The following FUT8 variants were observed in gnomAD, a reference collection of about 807,000 sequenced individuals.
The protein encoded by FUT8 is fucosyltransferase 8.
In FUT8, 29 loss-of-function variants were observed where a neutral mutation model predicts 71.3. The ratio of observed to expected loss-of-function variants is 0.41; its 90% CI spans 0.30 to 0.55. FUT8 has a LOEUF of 0.55. FUT8 is among the 20% of genes least tolerant of loss of function. FUT8 has a pLI of 0.34. For synonymous variants in FUT8, 254 were observed against 239.3 expected (o/e 1.06, Z -0.57); for missense variants, 544 against 702.1 (o/e 0.77, Z 2.55).
intron 7 of FUT8, among the ~76,000 whole-genome samples, chr14:65,716,092 G>A (rs950461232): frequency 6.6e-6 from 1 of 152,152 alleles, no homozygotes; most frequent in Non-Finnish European, 1.5e-5. Flanking sequence ...GGAGAAGAAT[G>A]TGTATTCTGC....
intron 6 of FUT8, among the ~76,000 whole-genome samples, chr14:65,668,792 G>C (rs1892336993): frequency 6.6e-6 from 1 of 152,152 alleles, no homozygotes; most frequent in South Asian, 2.1e-4. Flanking sequence ...ATGCCCATCA[G>C]TGGTAGACTG....
At position 65,425,976 on chromosome 14, in the gene FUT8, C is replaced by CA. The variant is rs144903947; in HGVS notation, c.-326+12776dup. On this transcript the variant is annotated intron_variant, in intron 1 of 10. Transcript: ENST00000673929. The stretch of plus-strand genomic sequence containing the variant: ...TGGGTGACAGTGCAAGACTCTGTCT[C>CA]AAAAAAAAAAAAAATCTACTTTCTT... Among the ~76,000 whole-genome samples, 942 of 139,536 alleles carry CA rather than the reference C, an allele frequency of 6.8e-3. 6 individuals carry two copies. The highest frequency in any genetic ancestry group is 0.015 in the African/African-American group (577 of 37,406). 91.5% of individuals were successfully genotyped at this position (139,536 alleles called of 152,430 possible). A position where few individuals can be genotyped will look rare whatever the true frequency, so the allele number is the denominator to read the frequency against.
intron 7 of FUT8, among the ~76,000 whole-genome samples, chr14:65,695,263 C>T (rs936371455): frequency 2.6e-5 from 4 of 152,230 alleles, no homozygotes; most frequent in African/African-American, 7.2e-5. Context: ...GTATTGAAGT[C>T]TCCAAGTATA....
intron 7 of FUT8, among the ~76,000 whole-genome samples, chr14:65,681,576 A>G (rs1420965860): frequency 6.6e-6 from 1 of 152,184 alleles, no homozygotes; most frequent in Non-Finnish European, 1.5e-5. Context: ...ACTTAGTTAA[A>G]AAATATTTTT....
At chr14:65,738,975 T>TATAGGATATATATATATATAGGGA (rs1327959794) in intron 10 of FUT8, among the ~76,000 whole-genome samples, 9 of 152,072 alleles carry the variant, frequency 5.9e-5, no homozygotes, top group African/African-American at 1.2e-4. Flanking sequence ...CCTAAGGGAA[T>TATAGGATATATATATATATAGGGA]ATATACTCAA....
intron 6 of FUT8, among the ~76,000 whole-genome samples, chr14:65,650,298 CAAAAAAAAA>C (rs869168766): frequency 5.0e-5 from 2 of 39,676 alleles, no homozygotes; most frequent in Admixed American, 4.1e-4. Flanking sequence ...GACTCTGTCT[CAAAAAAAAA>C]AAAAAAAAAA....
the FUT8 span, among the ~76,000 whole-genome samples, chr14:65,371,125 C>CT: frequency 6.6e-6 from 1 of 152,084 alleles, no homozygotes; most frequent in Non-Finnish European, 1.5e-5. Flanking sequence ...GGGCAGAGAG[C>CT]TTTTTTCCAT....
intron 5 of FUT8, among the ~76,000 whole-genome samples, chr14:65,625,714 C>T (rs777772968): frequency 7.2e-4 from 109 of 152,218 alleles, no homozygotes; most frequent in Non-Finnish European, 1.3e-3. Context: ...TGTTCCAAAG[C>T]ATCGTTCAAA....
chr14:65,528,052 G>A (rs1883625087), intron 2 of FUT8, among the ~76,000 whole-genome samples: 1 of 152,192 alleles, frequency 6.6e-6, no homozygotes, highest in Non-Finnish European at 1.5e-5. Context: ...TCTGTGCTGG[G>A]AGAACCACTA....
At chr14:65,375,686 A>G in the FUT8 span, among the ~76,000 whole-genome samples, 6 of 152,298 alleles carry the variant, frequency 3.9e-5, no homozygotes, top group South Asian at 1.2e-3. Flanking sequence ...TTACGGATGA[A>G]ATAGGCTCAG....
chr14:65,727,520 C>A (rs1210529020), intron 9 of FUT8, among the ~76,000 whole-genome samples: 1 of 152,148 alleles, frequency 6.6e-6, no homozygotes, highest in Non-Finnish European at 1.5e-5. Flanking sequence ...ATGACGGAAG[C>A]AGCTGGGATG....
At chr14:65,624,242 T>C (rs993833113) in intron 5 of FUT8, among the ~76,000 whole-genome samples, 1 of 151,994 alleles carries the variant, frequency 6.6e-6, no homozygotes, top group Non-Finnish European at 1.5e-5. Context: ...CAGTAACTTA[T>C]ATTGATACCC....
chr14:65,730,895 G>A (rs1196740767), intron 9 of FUT8, among the ~76,000 whole-genome samples: 1 of 152,164 alleles, frequency 6.6e-6, no homozygotes, highest in Non-Finnish European at 1.5e-5. Flanking sequence ...AGAAAAACAA[G>A]TCTTTAAAAG....
chr14:65,721,700 A>G (rs1235651153), intron 7 of FUT8, 75 bp from the exon 8 acceptor site: 5 of 1,439,302 alleles, frequency 3.5e-6, no homozygotes, highest in Non-Finnish European at 4.9e-6. Context: ...GAAAGCACTC[A>G]GAATAAGTTC....
intron 2 of FUT8, among the ~76,000 whole-genome samples, chr14:65,538,286 G>A (rs969311737): frequency 3.9e-5 from 6 of 152,170 alleles, no homozygotes; most frequent in Admixed American, 1.3e-4. Context: ...AGAGTGGGTC[G>A]CTCCTTGCCT....
In FUT8 at chr14:65,564,838, T is replaced by C. The variant is rs1405619051; in HGVS notation, c.203+3072T>C. Among the ~76,000 whole-genome samples the C allele has an allele frequency of 4.6e-5, 7 of 152,198 alleles. No homozygotes were observed. The East Asian group carries it at 1.3e-3, about 29-fold the overall frequency. ...ATGTTTTTGAGTTTCATCAATACTA[T>C]TGTCTGTATTAGTAGTTCATTCTTT... is the stretch of plus-strand genomic sequence containing the variant. On this transcript the variant is annotated intron_variant, in intron 3 of 10. Coordinates refer to ENST00000673929, the MANE Select transcript of FUT8 (RefSeq NM_001371533.1).
At chr14:65,407,406 A>G (rs931376010), upstream of FUT8, among the ~76,000 whole-genome samples, 2 of 152,194 alleles carry the variant, frequency 1.3e-5, no homozygotes, top group African/African-American at 2.4e-5. Context: ...AATACAGATA[A>G]TACTTTTTTT....
chr14:65,404,968 A>T, the FUT8 span, among the ~76,000 whole-genome samples: 1 of 152,262 alleles, frequency 6.6e-6, no homozygotes. Context: ...AGCAGCTTAC[A>T]CAAAATAATT....
At chr14:65,549,798 G>A in intron 2 of FUT8, among the ~76,000 whole-genome samples, 1 of 152,156 alleles carries the variant, frequency 6.6e-6, no homozygotes, top group East Asian at 1.9e-4. Context: ...ATCAACAGTG[G>A]CTACCTGTAT....
Sources: allele counts gnomAD v4.1 joint callset (sites outside exome capture counted in the v4.1 genomes callset), GRCh38; gene constraint gnomAD v4.1.1; transcripts MANE v1.5; gene names NCBI Gene and HGNC (gene_info 2026-07-23, HGNC 2026-07-21).